SYNPR: variants seen among roughly 807,000 people sequenced by gnomAD.
The protein encoded by SYNPR is synaptoporin.
Under a neutral mutation model 32.9 loss-of-function variants are expected in SYNPR, and 23 were observed. The observed-to-expected ratio is 0.70, with a 90% CI of 0.50 to 0.99. The LOEUF (loss-of-function observed/expected upper bound fraction) is 0.99. Among genes scored for constraint, SYNPR ranks in the 50% least tolerant of loss-of-function variants. The pLI, the probability that SYNPR is intolerant of heterozygous loss-of-function variation, is 0.00. For missense variants in SYNPR, 318 were observed against 349.3 expected, an observed-to-expected ratio of 0.91 and a Z score of 0.71; for synonymous variants, 146 against 135.9, an observed-to-expected ratio of 1.07 and a Z score of -0.52.
intron 2 of SYNPR, among the ~76,000 whole-genome samples, chr3:63,443,758 A>G (rs186423621): frequency 1.3e-5 from 2 of 152,294 alleles, no homozygotes; most frequent in Admixed American, 1.3e-4. Flanking sequence ...GCTTTATAAA[A>G]CTGTAATGTC....
chr3:63,324,847 G>A (rs1270522768), intron 2 of SYNPR, among the ~76,000 whole-genome samples: 5 of 151,980 alleles, frequency 3.3e-5, no homozygotes, highest in Non-Finnish European at 5.9e-5. Context: ...GCCAGATGGT[G>A]ACGGGTAACT....
chr3:63,503,980 G>C (rs995312729), intron 3 of SYNPR, among the ~76,000 whole-genome samples: 2 of 151,910 alleles, frequency 1.3e-5, no homozygotes, highest in Non-Finnish European at 2.9e-5. Flanking sequence ...TTCCTACTTA[G>C]TATTCCATAT....
At chr3:63,208,994 C>G in the SYNPR span, among the ~76,000 whole-genome samples, 1 of 152,082 alleles carries the variant, frequency 6.6e-6, no homozygotes, top group African/African-American at 2.4e-5. Flanking sequence ...AGGTCATTGT[C>G]ACTCCATTCT....
chr3:63,439,241 A>G (rs1700130169), intron 2 of SYNPR, among the ~76,000 whole-genome samples: 1 of 152,226 alleles, frequency 6.6e-6, no homozygotes, highest in Non-Finnish European at 1.5e-5. Flanking sequence ...AGGTTTTTAG[A>G]GAATCACAGA....
chr3:63,229,210 A>T (rs1052706242), intron 1 of SYNPR, among the ~76,000 whole-genome samples: 1 of 152,180 alleles, frequency 6.6e-6, no homozygotes, highest in Admixed American at 6.5e-5. Context: ...ATTCATACTT[A>T]ATTTTTGGAA....
At chr3:63,455,342 A>G (rs955283099) in intron 2 of SYNPR, among the ~76,000 whole-genome samples, 1 of 152,142 alleles carries the variant, frequency 6.6e-6, no homozygotes, top group Non-Finnish European at 1.5e-5. Flanking sequence ...TGGCCTGATT[A>G]ATTTTCCAGT....
chr3:63,459,742 C>A (rs909292061), intron 2 of SYNPR, among the ~76,000 whole-genome samples: 1 of 152,060 alleles, frequency 6.6e-6, no homozygotes, highest in Non-Finnish European at 1.5e-5. Context: ...TTAGGGGCCC[C>A]GGAAAGGAAT....
intron 2 of SYNPR, among the ~76,000 whole-genome samples, chr3:63,446,968 TG>T: frequency 6.6e-6 from 1 of 152,292 alleles, no homozygotes; most frequent in Middle Eastern, 3.4e-3. Flanking sequence ...TAGTCATTTT[TG>T]TCAGAGGCAA....
At chr3:63,356,530 A>T (rs1444374892) in intron 2 of SYNPR, among the ~76,000 whole-genome samples, 2 of 152,238 alleles carry the variant, frequency 1.3e-5, no homozygotes, top group African/African-American at 4.8e-5. Flanking sequence ...CAGATTAAAC[A>T]ATTTGCTCAA....
chr3:63,264,072 T>G (rs2086460998), intron 2 of SYNPR, among the ~76,000 whole-genome samples: 1 of 152,200 alleles, frequency 6.6e-6, no homozygotes, highest in African/African-American at 2.4e-5. Context: ...AAGGCCTAAG[T>G]CTGGGTCTTT....
intron 3 of SYNPR, among the ~76,000 whole-genome samples, chr3:63,494,490 TATATATAC>T (rs1239553863): frequency 0.022 from 2,990 of 134,602 alleles, 60 homozygotes; most frequent in African/African-American, 0.033. Context: ...TATATATACA[TATATATAC>T]ATATATACAT....
intron 4 of SYNPR, among the ~76,000 whole-genome samples, chr3:63,593,591 G>C (rs1699879169): frequency 1.3e-5 from 2 of 152,266 alleles, no homozygotes; most frequent in East Asian, 3.9e-4. Context: ...TCTGGGAACA[G>C]TCTAGAAAAG....
chr3:63,362,401 C>T (rs2087673405), intron 2 of SYNPR, among the ~76,000 whole-genome samples: 1 of 152,096 alleles, frequency 6.6e-6, no homozygotes, highest in Admixed American at 6.5e-5. Context: ...TGAGCAACCA[C>T]TAAGTGACAG....
At chr3:63,426,365 C>A (rs1195726164) in intron 2 of SYNPR, among the ~76,000 whole-genome samples, 1 of 152,186 alleles carries the variant, frequency 6.6e-6, no homozygotes, top group African/African-American at 2.4e-5. Context: ...AACCTGCATT[C>A]TTTCCCTACT....
chr3:63,439,378 T>C (rs556580430), intron 2 of SYNPR, among the ~76,000 whole-genome samples: 1 of 152,364 alleles, frequency 6.6e-6, no homozygotes, highest in South Asian at 2.1e-4. Context: ...AATATCATTT[T>C]TCAAACAAGA....
intron 2 of SYNPR, among the ~76,000 whole-genome samples, chr3:63,413,113 A>G (rs1266865414): frequency 6.6e-6 from 1 of 152,338 alleles, no homozygotes; most frequent in Non-Finnish European, 1.5e-5. Context: ...GTTAAATTAG[A>G]TAACGATCAA....
chr3:63,230,460 C>G lies in SYNPR; in HGVS notation n.66+2080C>G, dbSNP rs556338657. Among the ~76,000 whole-genome samples the G allele has an allele frequency of 6.6e-5, 10 of 152,306 alleles. No homozygotes were observed. In the East Asian group the frequency reaches 9.7e-4, roughly 15 times the overall value. On this transcript the variant is annotated intron_variant and non_coding_transcript_variant, in intron 1 of 4. Transcript: ENST00000478456. ...GGTGTGGCTAATAATTGACCCTTTT[C>G]ACCTTCTCACAGCACCTTAACCTTA...
At chr3:63,467,652 GT>G (rs529874905) in intron 2 of SYNPR, among the ~76,000 whole-genome samples, 398 of 152,286 alleles carry the variant, frequency 2.6e-3, no homozygotes, top group Middle Eastern at 6.8e-3. Context: ...AGTTGTTGTG[GT>G]TATTGTGATA....
At position 63,602,657 on chromosome 3, in the gene SYNPR, G is replaced by T. The variant is rs553317292; in HGVS notation, c.409-6468G>T. 1.6e-4 allele frequency among the ~76,000 whole-genome samples: 24 copies of T among 152,196 alleles called. 1 individual carries two copies. In the South Asian group the frequency reaches 5.0e-3, roughly 32 times the overall value. Reference sequence around the variant, plus strand: ...TTTTGTCAAAGATCAGATGGTTGTAGGTGTGTGAAATTATTTCTAGGCTTT... The same window carrying T: ...TTTTGTCAAAGATCAGATGGTTGTATGTGTGTGAAATTATTTCTAGGCTTT... On this transcript the variant is annotated intron_variant, in intron 4 of 5. Coordinates refer to ENST00000478300, the MANE Select transcript of SYNPR (RefSeq NM_001130003.2).
Sources: gnomAD v4.1 joint callset for allele counts (sites outside exome capture counted in the v4.1 genomes callset) on GRCh38, gnomAD v4.1.1 for gene constraint, MANE v1.5 for transcripts, NCBI Gene and HGNC (gene_info 2026-07-23, HGNC 2026-07-21) for gene names.